Variants in SLFN12L observed in about 807,000 individuals in gnomAD.
The protein encoded by SLFN12L is schlafen family member 12-like.
SLFN12L carries 34 observed loss-of-function variants against 34.8 expected under a neutral mutation model. That is an observed-to-expected ratio of 0.98 (90% confidence interval 0.74 to 1.30). The LOEUF (loss-of-function observed/expected upper bound fraction) is 1.30, where lower values mean the gene tolerates loss of function less well. Ranked by LOEUF, SLFN12L falls within the 50% of genes most tolerant of loss-of-function variation. SLFN12L has a pLI of 0.00. For missense variants in SLFN12L, 703 were observed against 696.2 expected (o/e 1.01, Z -0.11); for synonymous variants, 259 against 247.5 (o/e 1.05, Z -0.44).
rs772804719 is a variant in SLFN12L, at chr17:35,479,472, T to C, written c.810A>G (p.Ala270=). The C allele has an allele frequency of 2.4e-5, 38 of 1,614,062 alleles. No individual in the cohort carries two copies. The highest frequency in any genetic ancestry group is 1.3e-5 in the African/African-American group (1 of 74,942). ...AATATCCTCCATCAGTATTTGCAAA[T>C]GCAGAAACATATTGAGGGAGAATCT... ...ITEILPQYVS[A]FANTDGGYLF... is the part of the protein sequence containing the mutation. Residue 270 remains alanine (A), a synonymous_variant, in exon 3 of 5, where the codon GCA becomes GCG. Transcript: ENST00000628453.
At position 35,474,691 on chromosome 17, in the gene SLFN12L, G is replaced by GC. The variant is rs71152719; in HGVS notation, c.*231_*232insG. On this transcript the variant is annotated 3_prime_UTR_variant, in exon 5 of 5. Coordinates refer to ENST00000628453, the MANE Select transcript of SLFN12L (RefSeq NM_001363830.2). ...ACTCCTAGCACTTTGGGAGACCGGG[G>GC]GGGGGGGTTGAATCACGAGGTCAGG... 198 of 372,324 alleles carry GC rather than the reference G, an allele frequency of 5.3e-4. 3 individuals are homozygous for GC. Among genetic ancestry groups the GC allele is most frequent in the African/African-American group, 3.2e-3 (145 of 45,522 alleles). 23.1% of individuals were successfully genotyped at this position (372,324 alleles called of 1,614,324 possible). A position where few individuals can be genotyped will look rare whatever the true frequency, so the allele number is the denominator to read the frequency against.
In SLFN12L at chr17:35,474,058, A is replaced by G. The variant is rs1913853624; in HGVS notation, c.*865T>C. Reference sequence around the variant, plus strand: ...CTCAGCCTCCCGAGTAGCTGGGACTACATGTGTGTGCCACCACACTTGGCT... The same window carrying G: ...CTCAGCCTCCCGAGTAGCTGGGACTGCATGTGTGTGCCACCACACTTGGCT... On this transcript the variant is annotated 3_prime_UTR_variant, in exon 5 of 5. Transcript: ENST00000628453. The G allele has an allele frequency of 2.0e-5, 3 of 152,242 alleles. No homozygotes were observed. Among genetic ancestry groups the G allele is most frequent in the African/African-American group, 7.2e-5 (3 of 41,414 alleles). 9.4% of individuals were successfully genotyped at this position (152,242 alleles called of 1,614,324 possible).
chr17:35,482,432 C>T (rs190177857), intron 2 of SLFN12L, among the ~76,000 whole-genome samples: 1 of 152,234 alleles, frequency 6.6e-6, no homozygotes, highest in East Asian at 1.9e-4. Context: ...AGCCCTGCCT[C>T]TTCCAAGTTG....
chr17:35,488,426 A>G (rs750770940), intron 2 of SLFN12L, among the ~76,000 whole-genome samples: 2 of 152,222 alleles, frequency 1.3e-5, no homozygotes, highest in African/African-American at 2.4e-5. Flanking sequence ...TGTAGGAAGT[A>G]TCTTGCGGCC....
intron 2 of SLFN12L, among the ~76,000 whole-genome samples, chr17:35,506,134 T>C (rs1383849520): frequency 2.6e-5 from 4 of 151,992 alleles, no homozygotes; most frequent in Non-Finnish European, 5.9e-5. Context: ...TGAGGACTGG[T>C]GGGGGCTCAT....
At chr17:35,501,921 G>A (rs900513656) in intron 2 of SLFN12L, among the ~76,000 whole-genome samples, 5 of 151,924 alleles carry the variant, frequency 3.3e-5, no homozygotes, top group African/African-American at 9.7e-5. Flanking sequence ...CAGCATAAGC[G>A]GCTGGCAGAG....
At chr17:35,530,394 G>A (rs1273171390) in intron 1 of SLFN12L, among the ~76,000 whole-genome samples, 1 of 8,716 alleles carries the variant, frequency 1.1e-4, no homozygotes, top group Non-Finnish European at 2.1e-4. Flanking sequence ...AGGAAGGAAG[G>A]AAGGAAGGAA....
intron 2 of SLFN12L, chr17:35,498,136 A>C (rs1915155666): frequency 1.6e-6 from 1 of 613,386 alleles, no homozygotes; most frequent in Non-Finnish European, 2.9e-6. Flanking sequence ...CGAGACCTGC[A>C]GCAGAGACGA....
At chr17:35,519,990 A>G (rs552795098) in intron 2 of SLFN12L, among the ~76,000 whole-genome samples, 120 of 152,322 alleles carry the variant, frequency 7.9e-4, no homozygotes, top group African/African-American at 2.9e-3. Context: ...GTTAAAATAA[A>G]CATCATAAGA....
intron 1 of SLFN12L, among the ~76,000 whole-genome samples, chr17:35,530,607 A>G (rs1480771918): frequency 6.6e-6 from 1 of 152,094 alleles, no homozygotes; most frequent in Non-Finnish European, 1.5e-5. Context: ...TTATGTAGAT[A>G]GTGGGGGAAA....
chr17:35,473,273 T>C lies in SLFN12L; in HGVS notation c.*1650A>G, dbSNP rs1224447982. 6.6e-6 allele frequency among the ~76,000 whole-genome samples: 1 copy of C among 152,216 alleles called. No homozygotes were observed. Among genetic ancestry groups the C allele is most frequent in the Non-Finnish European group, 1.5e-5 (1 of 68,034 alleles). ...TCCAGGTTTTGCCCATTCAGTATGA[T>C]ATTGGCTGTGGGTTTGTCATGAATA... On this transcript the variant is annotated 3_prime_UTR_variant, in exon 5 of 5. Transcript: ENST00000628453.
At chr17:35,489,915 T>A in intron 2 of SLFN12L, 1 of 1,044,580 alleles carries the variant, frequency 9.6e-7, no homozygotes, top group Admixed American at 2.1e-5. Flanking sequence ...CAGCACAGCA[T>A]CTTATGCTCC....
intron 2 of SLFN12L, among the ~76,000 whole-genome samples, chr17:35,495,212 A>G (rs1915004694): frequency 6.6e-6 from 1 of 151,880 alleles, no homozygotes; most frequent in Non-Finnish European, 1.5e-5. Context: ...ATTAATTTCG[A>G]TTTTTTAAAT....
intron 2 of SLFN12L, among the ~76,000 whole-genome samples, chr17:35,493,903 G>A (rs1914937698): frequency 6.6e-6 from 1 of 152,108 alleles, no homozygotes; most frequent in South Asian, 2.1e-4. Flanking sequence ...TTTGTTCTTA[G>A]TTGTGGTTCT....
chr17:35,505,766 G>A (rs188662214), intron 2 of SLFN12L, among the ~76,000 whole-genome samples: 17 of 152,280 alleles, frequency 1.1e-4, no homozygotes, highest in East Asian at 3.9e-4. Context: ...TGAAGAAGAC[G>A]AGAAGCCCTG....
intron 2 of SLFN12L, chr17:35,490,097 GC>G: frequency 6.2e-7 from 1 of 1,606,654 alleles, no homozygotes; most frequent in East Asian, 2.2e-5. Context: ...CCTCCCCAGT[GC>G]CCCAGGCGCG....
At chr17:35,502,417 A>G (rs950918993) in intron 2 of SLFN12L, among the ~76,000 whole-genome samples, 1 of 104,260 alleles carries the variant, frequency 9.6e-6, no homozygotes. Context: ...TATCCTAAGG[A>G]AAAAAAAAAA....
In SLFN12L at chr17:35,504,031, C is replaced by T. The variant is rs28832410; in HGVS notation, c.86+18248G>A. ...TTCTTCTATTCTATCGCTCTTTCTT[C>T]TTTCTTCACTCTATTTCTGACCATC... On this transcript the variant is annotated intron_variant, in intron 2 of 4. Transcript: ENST00000628453. 1.8e-3 allele frequency among the ~76,000 whole-genome samples: 269 copies of T among 152,362 alleles called. 2 individuals are homozygous for T. Among genetic ancestry groups the T allele is most frequent in the African/African-American group, 6.4e-3 (266 of 41,586 alleles).
At chr17:35,490,084 C>G in intron 2 of SLFN12L, 1 of 1,607,092 alleles carries the variant, frequency 6.2e-7, no homozygotes, top group South Asian at 1.1e-5. Context: ...CCACCGGCCC[C>G]CTCCTCCCCA....
Sources: gnomAD v4.1 joint callset for allele counts (sites outside exome capture counted in the v4.1 genomes callset) on GRCh38, gnomAD v4.1.1 for gene constraint, MANE v1.5 for transcripts, NCBI Gene and HGNC (gene_info 2026-07-23, HGNC 2026-07-21) for gene names.